The following HDAC9 variants were observed in gnomAD, a reference collection of about 807,000 sequenced individuals.
HDAC9 encodes the protein MEF-2 interacting transcription repressor (MITR) protein.
Under a neutral mutation model 139.4 loss-of-function variants are expected in HDAC9, and 41 were observed. The observed-to-expected ratio is 0.29, with a 90% CI of 0.23 to 0.38. The LOEUF is 0.38. HDAC9 is among the 10% of genes least tolerant of loss of function. The pLI is 1.00. For missense variants in HDAC9, 1,147 were observed against 1,297.0 expected, an observed-to-expected ratio of 0.88 and a Z score of 1.78; for synonymous variants, 517 against 476.2, an observed-to-expected ratio of 1.09 and a Z score of -1.12.
chr7:18,570,578 G>A (rs1823947157), intron 2 of HDAC9, among the ~76,000 whole-genome samples: 1 of 152,240 alleles, frequency 6.6e-6, no homozygotes, highest in Admixed American at 6.5e-5. Context: ...AATCAGAATG[G>A]AGTGGTTGAG....
At chr7:18,501,895 A>G (rs1312442805) in intron 2 of HDAC9, among the ~76,000 whole-genome samples, 1 of 152,214 alleles carries the variant, frequency 6.6e-6, no homozygotes, top group African/African-American at 2.4e-5. Flanking sequence ...TGCAGATAAA[A>G]GAACACTCTA....
rs181752483 is a variant in HDAC9 at position 18,541,970 on chromosome 7, A to T, written c.23-43311A>T. 4.2e-3 allele frequency among the ~76,000 whole-genome samples: 638 copies of T among 152,240 alleles called. 9 individuals carry two copies. The highest frequency in any genetic ancestry group is 7.3e-3 in the South Asian group (35 of 4,816). ...AGGGTTTTTGAGATTTGATGCTGTT[A>T]ACATTTTGGACTGGCCAGTTCTTTG... On this transcript the variant is annotated intron_variant, in intron 2 of 25. Transcript: ENST00000686413.
intron 1 of HDAC9, among the ~76,000 whole-genome samples, chr7:18,455,378 G>A (rs1360550903): frequency 6.6e-6 from 1 of 151,648 alleles, no homozygotes; most frequent in Non-Finnish European, 1.5e-5. Flanking sequence ...ATTTTTTTGT[G>A]TAATTTTAGC....
chr7:18,343,649 A>G (rs1363962279), intron 1 of HDAC9, among the ~76,000 whole-genome samples: 2 of 151,862 alleles, frequency 1.3e-5, no homozygotes, highest in Non-Finnish European at 2.9e-5. Flanking sequence ...GCAAAATATA[A>G]AACATAGAAA....
intron 23 of HDAC9, among the ~76,000 whole-genome samples, chr7:18,939,796 A>T (rs962691307): frequency 2.7e-4 from 41 of 152,172 alleles, no homozygotes; most frequent in Admixed American, 5.2e-4. Context: ...TAATAGAGCA[A>T]TTAGAACTCA....
At chr7:18,243,702 A>G (rs779101702) in intron 2 of HDAC9, among the ~76,000 whole-genome samples, 6 of 152,244 alleles carry the variant, frequency 3.9e-5, no homozygotes, top group Non-Finnish European at 7.3e-5. Context: ...GTTTACTTGA[A>G]TGAAACATGG....
At chr7:18,929,931 G>A (rs978685072) in intron 22 of HDAC9, among the ~76,000 whole-genome samples, 3 of 144,656 alleles carry the variant, frequency 2.1e-5, no homozygotes, top group African/African-American at 5.0e-5. Flanking sequence ...ACAGCAAGAC[G>A]CCGCCTCAAA....
chr7:18,748,552 T>C lies in HDAC9; in HGVS notation c.1910-453T>C, dbSNP rs112289631. ...CCGTTTTATTACAAAAATGAAACCT[T>C]GATCTGAAGTCAGGCTAGAATGACT... On this transcript the variant is annotated intron_variant, in intron 13 of 25. Transcript: ENST00000686413. Among the ~76,000 whole-genome samples the C allele has an allele frequency of 8.3e-3, 1,262 of 152,248 alleles. 12 individuals are homozygous for C. Among genetic ancestry groups the C allele is most frequent in the African/African-American group, 0.029 (1,198 of 41,528 alleles).
At chr7:18,394,301 T>C (rs755444225) in intron 1 of HDAC9, among the ~76,000 whole-genome samples, 5 of 152,212 alleles carry the variant, frequency 3.3e-5, no homozygotes, top group Non-Finnish European at 7.3e-5. Context: ...AAATAGAGGC[T>C]GGAAAAGTTA....
intron 2 of HDAC9, among the ~76,000 whole-genome samples, chr7:18,231,059 G>C (rs1230473398): frequency 3.3e-5 from 5 of 152,222 alleles, no homozygotes. Flanking sequence ...CTGGGGACAA[G>C]CTTAGAGCGA....
chr7:18,659,867 G>C (rs777963175), intron 11 of HDAC9, among the ~76,000 whole-genome samples: 7 of 152,078 alleles, frequency 4.6e-5, no homozygotes, highest in African/African-American at 1.7e-4. Flanking sequence ...GCAACAGCTC[G>C]ACTTTGCTAG....
At chr7:18,876,974 T>G (rs1360971812) in intron 22 of HDAC9, among the ~76,000 whole-genome samples, 1 of 152,076 alleles carries the variant, frequency 6.6e-6, no homozygotes, top group Admixed American at 6.5e-5. Context: ...AGTGCTGGGA[T>G]TACAAGCATG....
chr7:18,464,987 ATACT>A (rs1241886352), intron 1 of HDAC9, among the ~76,000 whole-genome samples: 98 of 152,080 alleles, frequency 6.4e-4, no homozygotes, highest in African/African-American at 2.2e-3. Context: ...TATCCCTTTA[ATACT>A]TTCTTGTATG....
Position 19,002,195 on chromosome 7 carries a change from C to A in HDAC9, c.*6133C>A, listed in dbSNP as rs944869679. On this transcript the variant is annotated 3_prime_UTR_variant, in exon 26 of 26. Coordinates refer to ENST00000686413, the MANE Select transcript of HDAC9 (RefSeq NM_178425.4). ...TAATAATCTAATAAAGGATTAATATCTAATAACAATACCATTGTTGAACAT... is the reference window on the plus strand; with the variant it reads ...TAATAATCTAATAAAGGATTAATATATAATAACAATACCATTGTTGAACAT... 3 of 152,074 alleles carry A rather than the reference C, an allele frequency of 2.0e-5. No homozygotes were observed. Among genetic ancestry groups the A allele is most frequent in the African/African-American group, 7.2e-5 (3 of 41,426 alleles). 9.4% of individuals were successfully genotyped at this position (152,074 alleles called of 1,614,324 possible). A position where few individuals can be genotyped will look rare whatever the true frequency, so the allele number is the denominator to read the frequency against.
chr7:18,410,224 A>G (rs969642094), intron 1 of HDAC9, among the ~76,000 whole-genome samples: 2 of 152,168 alleles, frequency 1.3e-5, no homozygotes, highest in African/African-American at 4.8e-5. Context: ...ACCTATGGTC[A>G]GGGTGATGGA....
At chr7:18,647,175 C>G (rs907587302) in intron 9 of HDAC9, among the ~76,000 whole-genome samples, 4 of 151,988 alleles carry the variant, frequency 2.6e-5, no homozygotes, top group African/African-American at 9.7e-5. Context: ...ATAAATTTTA[C>G]CTCTCCAGTA....
At chr7:18,174,218 C>G (rs1483127675) in intron 2 of HDAC9, among the ~76,000 whole-genome samples, 3 of 152,106 alleles carry the variant, frequency 2.0e-5, no homozygotes, top group African/African-American at 7.2e-5. Context: ...TCACTGATAC[C>G]TTTTCTTCCA....
intron 15 of HDAC9, 129 bp from the exon 16 acceptor site, chr7:18,766,977 T>G: frequency 4.3e-6 from 2 of 467,224 alleles, no homozygotes; most frequent in Non-Finnish European, 7.6e-6. Flanking sequence ...GTCTGAAGTT[T>G]TATTAATTTA....
intron 22 of HDAC9, among the ~76,000 whole-genome samples, chr7:18,895,946 G>A (rs1383398176): frequency 6.6e-6 from 1 of 152,036 alleles, no homozygotes; most frequent in Non-Finnish European, 1.5e-5. Flanking sequence ...CTTAGGTGTG[G>A]ATTTTGTATT....
Sources: gnomAD v4.1 joint callset for allele counts (sites outside exome capture counted in the v4.1 genomes callset) on GRCh38, gnomAD v4.1.1 for gene constraint, MANE v1.5 for transcripts, NCBI Gene and HGNC (gene_info 2026-07-23, HGNC 2026-07-21) for gene names.